The following SLC43A3 variants were observed in gnomAD, a reference collection of about 807,000 sequenced individuals.
SLC43A3 encodes equilibrative nucleobase transporter 1.
SLC43A3 carries 33 observed loss-of-function variants against 53.3 expected under a neutral mutation model. That is an observed-to-expected ratio of 0.62 (90% confidence interval 0.47 to 0.83). The LOEUF (loss-of-function observed/expected upper bound fraction) is 0.83, where lower values mean the gene tolerates loss of function less well. Among genes scored for constraint, SLC43A3 ranks in the 40% least tolerant of loss-of-function variants. The pLI is 0.00. For missense variants in SLC43A3, 530 were observed against 610.0 expected (o/e 0.87, Z 1.38); for synonymous variants, 236 against 246.2 (o/e 0.96, Z 0.39).
chr11:57,409,090 C>T (rs2134500090), intron 13 of SLC43A3, 85 bp downstream of exon 13: 2 of 1,387,344 alleles, frequency 1.4e-6, no homozygotes, highest in East Asian at 2.3e-5. Flanking sequence ...ATGCTACATA[C>T]CCAGGCCATC....
chr11:57,416,593 T>C lies in SLC43A3; in HGVS notation c.749A>G (p.Glu250Gly). 1 of 1,614,060 alleles carries C rather than the reference T, an allele frequency of 6.2e-7. No homozygotes were observed. Among genetic ancestry groups the C allele is most frequent in the Non-Finnish European group, 8.5e-7 (1 of 1,179,948 alleles). The change falls in exon 9 of 14, where the codon GAG becomes GGG. Residue 250 changes from glutamate to glycine, a missense_variant. By Grantham distance (98) the Glu-to-Gly change is moderately conservative. Coordinates refer to ENST00000395124, the MANE Select transcript of SLC43A3 (RefSeq NM_199329.3). Reference sequence around the variant, plus strand: ...CTCACCTTCCTTCGCTGAAAGGAACTCCTTTGACTGTAGCTCCCTGTTTTC... The same window carrying C: ...CTCACCTTCCTTCGCTGAAAGGAACCCCTTTGACTGTAGCTCCCTGTTTTC... ...EHENRELQSK[E>G]FLSAKEETPG...
rs1413001562 is a variant in SLC43A3 at position 57,426,606 on chromosome 11, C to T, written c.-199G>A. ...GACTTACCCAATAGCTCCCCGGGAG[C>T]AGGTGGAGAAGCGGAGCTCCTGCGC... On this transcript the variant is annotated 5_prime_UTR_variant, in exon 2 of 14. Coordinates refer to ENST00000395124, the MANE Select transcript of SLC43A3 (RefSeq NM_199329.3). 1 of 159,530 alleles carries T rather than the reference C, an allele frequency of 6.3e-6. No homozygotes were observed. Among genetic ancestry groups the T allele is most frequent in the African/African-American group, 2.4e-5 (1 of 41,590 alleles). The allele number at this position is 159,530 out of a possible 1,614,324, so 9.9% of individuals were successfully genotyped here.
chr11:57,420,999 A>T lies in SLC43A3; in HGVS notation c.504T>A (p.Ser168=), dbSNP rs746184394. Residue 168 remains serine (S), a synonymous_variant, in exon 7 of 14, where the codon TCT becomes TCA. Transcript: ENST00000395124. ...IITLYNGAFD[S]SSAVFLIIKL... is the part of the protein sequence containing the mutation. ...TAATAATAAGGAAGACTGCCGAGGA[A>T]GAGTCAAATGCTCCATTGTACAGAG... The T allele has an allele frequency of 2.5e-6, 4 of 1,613,528 alleles. No individual in the cohort carries two copies. The South Asian group carries it at 4.4e-5, about 18-fold the overall frequency.
intron 11 of SLC43A3, 93 bp from the exon 12 acceptor site, chr11:57,410,214 C>T: frequency 9.8e-7 from 1 of 1,022,358 alleles, no homozygotes; most frequent in South Asian, 1.9e-5. Context: ...GGGGAGGAGC[C>T]ACTATCCATC....
In SLC43A3 at chr11:57,417,872, C is replaced by T. The variant is rs994576617; in HGVS notation, c.547G>A (p.Gly183Ser). 1.2e-6 allele frequency: 2 copies of T among 1,614,070 alleles called. No homozygotes were observed. The highest frequency in any genetic ancestry group is 1.3e-5 in the African/African-American group (1 of 75,030). Residue 183 changes from glycine to serine, a missense_variant, in exon 8 of 14, where the codon GGC becomes AGC. Coordinates refer to ENST00000395124, the MANE Select transcript of SLC43A3 (RefSeq NM_199329.3). ...FLIIKLLYEK[G>S]ISLRASFIFI... ...ATGAAGGAGGCCCTGAGGCTGATGC[C>T]TTTTTCATAAAGAAGCTGCAGAAGG...
At chr11:57,422,103 C>G (rs925290059) in intron 5 of SLC43A3, among the ~76,000 whole-genome samples, 1 of 152,222 alleles carries the variant, frequency 6.6e-6, no homozygotes, top group Non-Finnish European at 1.5e-5. Flanking sequence ...TTCTGCCCAC[C>G]ATTATTCTGG....
chr11:57,410,189 G>T (rs965507623), intron 11 of SLC43A3, 68 bp from the exon 12 acceptor site: 120 of 1,297,908 alleles, frequency 9.2e-5, no homozygotes, highest in Non-Finnish European at 1.2e-4. Context: ...GAAGGGCCAA[G>T]GAAGATTGGA....
At chr11:57,409,344 C>T (rs772247461) in intron 12 of SLC43A3, 46 bp from the exon 13 acceptor site, 55 of 1,610,806 alleles carry the variant, frequency 3.4e-5, no homozygotes, top group Non-Finnish European at 4.6e-5. Context: ...CAGGGACCCT[C>T]CCTCCAAGCA....
intron 11 of SLC43A3, among the ~76,000 whole-genome samples, chr11:57,412,355 T>C (rs1240583467): frequency 6.6e-6 from 1 of 152,196 alleles, no homozygotes; most frequent in African/African-American, 2.4e-5. Flanking sequence ...TGAAATATTA[T>C]AAAAGAAACA....
rs768860779 is a variant in SLC43A3 at position 57,409,211 on chromosome 11, G to A, written c.1335C>T (p.Thr445=). The A allele has an allele frequency of 2.5e-6, 4 of 1,614,160 alleles. No homozygotes were observed. The Admixed American group carries it at 6.7e-5, about 27-fold the overall frequency. ...VVSLLQFPIF[T]LIKGSLQNDP... is the part of the protein sequence containing the mutation. ...CATTCTGAAGGGAGCCTTTGATGAG[G>A]GTGAAGATGGGGAACTGGAGCAGAG... is the stretch of plus-strand genomic sequence containing the variant. Residue 445 remains threonine (T), a synonymous_variant, in exon 13 of 14, where the codon ACC becomes ACT. Coordinates refer to ENST00000395124, the MANE Select transcript of SLC43A3 (RefSeq NM_199329.3).
chr11:57,417,854 A>C lies in SLC43A3; in HGVS notation c.565T>G (p.Ser189Ala). The C allele has an allele frequency of 6.2e-7, 1 of 1,614,212 alleles. No individual in the cohort carries two copies. Among genetic ancestry groups the C allele is most frequent in the South Asian group, 1.1e-5 (1 of 91,088 alleles). The change falls in exon 8 of 14, where the codon TCC (serine) becomes GCC (alanine). Residue 189 changes from serine (S) to alanine (A), a missense_variant. Ser to Ala is a moderately conservative substitution (Grantham distance 99, BLOSUM62 1). Coordinates refer to ENST00000395124, the MANE Select transcript of SLC43A3 (RefSeq NM_199329.3). ...CTGCAGACAGAGATGAAGATGAAGGAGGCCCTGAGGCTGATGCCTTTTTCA... is the reference window on the plus strand; with the variant it reads ...CTGCAGACAGAGATGAAGATGAAGGCGGCCCTGAGGCTGATGCCTTTTTCA... ...LYEKGISLRA[S>A]FIFISVCSTW...
chr11:57,425,871 G>T, intron 3 of SLC43A3, 118 bp downstream of exon 3: 1 of 1,335,726 alleles, frequency 7.5e-7, no homozygotes, highest in Non-Finnish European at 1.0e-6. Context: ...GGTGAGAGCT[G>T]CTGACCCTTC....
intron 9 of SLC43A3, chr11:57,415,452 G>A (rs1942677038): frequency 1.0e-5 from 13 of 1,296,020 alleles, no homozygotes; most frequent in South Asian, 6.2e-5. Context: ...AGTCAGAAGG[G>A]AGAGGAGAAT....
At chr11:57,415,473 A>G in intron 9 of SLC43A3, 2 of 1,194,652 alleles carry the variant, frequency 1.7e-6, no homozygotes, top group Middle Eastern at 4.4e-4. Context: ...GAGTGTGGAT[A>G]CTCTGTTCTA....
intron 11 of SLC43A3, 95 bp from the exon 12 acceptor site, chr11:57,410,216 C>T: frequency 9.8e-7 from 1 of 1,015,990 alleles, no homozygotes; most frequent in East Asian, 2.6e-5. Flanking sequence ...GGAGGAGCCA[C>T]TATCCATCCA....
chr11:57,420,299 C>T (rs1307860980), intron 7 of SLC43A3, among the ~76,000 whole-genome samples: 1 of 152,206 alleles, frequency 6.6e-6, no homozygotes, highest in Non-Finnish European at 1.5e-5. Flanking sequence ...TTGAATCTTC[C>T]ACTATATACA....
At chr11:57,408,285 T>C (rs1398136006) in intron 13 of SLC43A3, 2 of 186,968 alleles carry the variant, frequency 1.1e-5, no homozygotes, top group Non-Finnish European at 2.3e-5. Context: ...CTTTTGGCCA[T>C]GCACAGTGGT....
Position 57,409,954 on chromosome 11 carries a change from C to T in SLC43A3, c.1228G>A (p.Ala410Thr), listed in dbSNP as rs749931054. Residue 410 changes from alanine to threonine, a missense_variant, in exon 12 of 14, where the codon GCG (alanine) becomes ACG (threonine). Ala to Thr is a moderately conservative substitution (Grantham distance 58, BLOSUM62 0). Transcript: ENST00000395124. ...ISRSFLYGSN[A>T]AFLTLAFPSE... Reference sequence around the variant, plus strand: ...ACTTACGCAAGGGTGAGGAAGGCCGCGTTGCTCCCATAGAGGAAGGAGCGG... The same window carrying T: ...ACTTACGCAAGGGTGAGGAAGGCCGTGTTGCTCCCATAGAGGAAGGAGCGG... 16 of 1,612,108 alleles carry T rather than the reference C, an allele frequency of 9.9e-6. No individual in the cohort carries two copies. In the East Asian group the frequency reaches 1.1e-4, roughly 11 times the overall value.
chr11:57,408,111 A>AGCC (rs1942282906), intron 13 of SLC43A3: 1 of 485,178 alleles, frequency 2.1e-6, no homozygotes, highest in African/African-American at 1.9e-5. Flanking sequence ...GAGGAGGAAT[A>AGCC]TCAAGCCCAT....
Sources: gnomAD v4.1 joint callset for allele counts (sites outside exome capture counted in the v4.1 genomes callset) on GRCh38, gnomAD v4.1.1 for gene constraint, MANE v1.5 for transcripts, NCBI Gene and HGNC (gene_info 2026-07-23, HGNC 2026-07-21) for gene names.